CHIC2: variants seen among roughly 807,000 people sequenced by gnomAD.
CHIC2 encodes the protein cysteine-rich hydrophobic domain-containing protein 2.
CHIC2 carries 14 observed loss-of-function variants against 25.9 expected under a neutral mutation model. The ratio of observed to expected loss-of-function variants is 0.54; its 90% CI spans 0.36 to 0.85. CHIC2 has a LOEUF of 0.85. Among genes scored for constraint, CHIC2 ranks in the 40% least tolerant of loss-of-function variants. CHIC2 has a pLI of 0.01. For synonymous variants in CHIC2, 70 were observed against 72.0 expected (o/e 0.97, Z 0.14); for missense variants, 146 against 202.0 (o/e 0.72, Z 1.68).
intron 3 of CHIC2, among the ~76,000 whole-genome samples, chr4:54,045,657 A>G (rs1384552034): frequency 1.3e-5 from 2 of 151,994 alleles, no homozygotes. Context: ...TCTCAAAATA[A>G]TAAGAGCTAT....
the CHIC2 span, among the ~76,000 whole-genome samples, chr4:54,074,012 G>C: frequency 6.6e-6 from 1 of 151,996 alleles, no homozygotes; most frequent in African/African-American, 2.4e-5. Context: ...TCAAAAATTA[G>C]CCGGGCATGG....
the CHIC2 span, among the ~76,000 whole-genome samples, chr4:54,072,301 CAAA>C: frequency 1.5e-5 from 2 of 130,896 alleles, no homozygotes; most frequent in East Asian, 2.2e-4. Flanking sequence ...GACTCCATCT[CAAA>C]AAAAAAAAAA....
At chr4:54,080,752 T>C in the CHIC2 span, among the ~76,000 whole-genome samples, 1 of 141,474 alleles carries the variant, frequency 7.1e-6, no homozygotes, top group African/African-American at 2.6e-5. Context: ...TGAGACTCTG[T>C]CTCAAAAAAA....
At chr4:54,010,340 A>C (rs1213009555) in intron 5 of CHIC2, among the ~76,000 whole-genome samples, 195 bp from the exon 6 acceptor site, 2 of 152,036 alleles carry the variant, frequency 1.3e-5, no homozygotes, top group African/African-American at 4.8e-5. Flanking sequence ...CTGGACCTTT[A>C]CCAAATACAC....
chr4:54,045,596 ACAACCCTT>A (rs1367875517), intron 3 of CHIC2, among the ~76,000 whole-genome samples: 3 of 151,998 alleles, frequency 2.0e-5, no homozygotes, highest in African/African-American at 7.2e-5. Context: ...ACAAAATTCA[ACAACCCTT>A]CATGCTAAAA....
intron 3 of CHIC2, 22 bp from the exon 4 acceptor site, chr4:54,014,141 AG>A: frequency 6.2e-7 from 1 of 1,611,652 alleles, no homozygotes; most frequent in Non-Finnish European, 8.5e-7. Flanking sequence ...ATGAGAAAAA[AG>A]TTTACTCTTG....
chr4:54,040,099 T>C (rs1048163503), intron 3 of CHIC2, among the ~76,000 whole-genome samples: 1 of 152,188 alleles, frequency 6.6e-6, no homozygotes, highest in African/African-American at 2.4e-5. Context: ...AGTAAGTTTT[T>C]TATGGAAAAC....
At chr4:54,087,727 CT>C in the CHIC2 span, 5 of 522,386 alleles carry the variant, frequency 9.6e-6, no homozygotes, top group East Asian at 1.3e-4. Flanking sequence ...TTCTGCATCT[CT>C]TTTTACTGGC....
intron 3 of CHIC2, among the ~76,000 whole-genome samples, chr4:54,017,832 A>G (rs969653374): frequency 6.6e-6 from 1 of 152,194 alleles, no homozygotes; most frequent in Non-Finnish European, 1.5e-5. Context: ...AACAAAAACA[A>G]AAACAAAAAC....
At chr4:54,012,872 T>C (rs764770229) in intron 5 of CHIC2, among the ~76,000 whole-genome samples, 2 of 152,074 alleles carry the variant, frequency 1.3e-5, no homozygotes, top group South Asian at 2.1e-4. Flanking sequence ...TGTGGGATAA[T>C]GAAAGAACAG....
At chr4:54,043,971 A>C (rs989737688) in intron 3 of CHIC2, among the ~76,000 whole-genome samples, 8 of 152,202 alleles carry the variant, frequency 5.3e-5, no homozygotes, top group Admixed American at 6.5e-5. Context: ...CTACTAAGCA[A>C]ATGGAAAACA....
chr4:54,082,068 G>A, the CHIC2 span, among the ~76,000 whole-genome samples: 2 of 152,184 alleles, frequency 1.3e-5, no homozygotes, highest in Non-Finnish European at 2.9e-5. Context: ...TGGGATGAGG[G>A]CATTAGATAG....
intron 3 of CHIC2, among the ~76,000 whole-genome samples, chr4:54,041,369 C>T (rs1170583286): frequency 1.3e-5 from 2 of 151,932 alleles, no homozygotes; most frequent in East Asian, 1.9e-4. Context: ...GCCTCTCGAT[C>T]GAGGGTTCTT....
chr4:54,064,948 A>T (rs954811917), upstream of CHIC2, among the ~76,000 whole-genome samples: 2 of 152,222 alleles, frequency 1.3e-5, no homozygotes. This position sits in a 1 kb window ranked among gnomAD's most constrained non-coding sequence, Gnocchi z 4.2. Context: ...GCAGTTCCCC[A>T]AAGTCATCTC....
rs1402801472 is a variant in CHIC2, at chr4:54,044,262, G to A, written c.330+4693C>T. Reference sequence around the variant, plus strand: ...ATCAACAAGACAGAAAGTTAACAAGGATATCCAGGAATTGAACTCAGCTCT... The same window carrying A: ...ATCAACAAGACAGAAAGTTAACAAGAATATCCAGGAATTGAACTCAGCTCT... On this transcript the variant is annotated intron_variant, in intron 3 of 5. Coordinates refer to ENST00000263921, the MANE Select transcript of CHIC2 (RefSeq NM_012110.4). Among the ~76,000 whole-genome samples the A allele has an allele frequency of 3.3e-5, 5 of 152,110 alleles. No individual in the cohort carries two copies. In the East Asian group the frequency reaches 9.6e-4, roughly 29 times the overall value.
chr4:54,014,335 C>T (rs890409315), intron 3 of CHIC2, among the ~76,000 whole-genome samples: 2 of 152,030 alleles, frequency 1.3e-5, no homozygotes, highest in African/African-American at 4.8e-5. Flanking sequence ...TCATACGAAT[C>T]TTTTTTTACT....
intron 3 of CHIC2, among the ~76,000 whole-genome samples, chr4:54,044,553 T>A (rs569218461): frequency 6.6e-6 from 1 of 152,072 alleles, no homozygotes; most frequent in Non-Finnish European, 1.5e-5. Context: ...GACTACTGGG[T>A]ACATAATGAA....
intron 3 of CHIC2, among the ~76,000 whole-genome samples, chr4:54,025,294 C>T (rs527890472): frequency 4.0e-4 from 61 of 152,156 alleles, no homozygotes; most frequent in African/African-American, 1.4e-3. Flanking sequence ...TTTGTAATCT[C>T]CCCCACCCTT....
At chr4:54,024,098 C>T (rs993642024) in intron 3 of CHIC2, among the ~76,000 whole-genome samples, 3 of 152,204 alleles carry the variant, frequency 2.0e-5, no homozygotes, top group African/African-American at 4.8e-5. Context: ...TCGTCAGTCA[C>T]TCCCACCTAC....
Sources: gnomAD v4.1 joint callset for allele counts (sites outside exome capture counted in the v4.1 genomes callset) on GRCh38, gnomAD v4.1.1 for gene constraint, Gnocchi (gnomAD v3.1) non-coding constraint, MANE v1.5 for transcripts, NCBI Gene and HGNC (gene_info 2026-07-23, HGNC 2026-07-21) for gene names.